LCP2: variants seen among roughly 807,000 people sequenced by gnomAD.
LCP2 encodes lymphocyte cytosolic protein 2, also known as 76 kDa tyrosine phosphoprotein.
LCP2 carries 29 observed loss-of-function variants against 74.5 expected under a neutral mutation model. The ratio of observed to expected loss-of-function variants is 0.39; its 90% CI spans 0.29 to 0.53. The LOEUF is 0.53. Ranked by LOEUF, LCP2 falls within the 20% of genes least tolerant of loss-of-function variation. LCP2 has a pLI of 0.72. For missense variants in LCP2, 604 were observed against 634.6 expected (o/e 0.95, Z 0.52); for synonymous variants, 228 against 229.5 (o/e 0.99, Z 0.06).
At chr5:170,259,832 C>T (rs80108515) in intron 14 of LCP2, among the ~76,000 whole-genome samples, 1,569 of 152,308 alleles carry the variant, frequency 0.01, 36 homozygotes, top group African/African-American at 0.036. Flanking sequence ...ATAAACCCCA[C>T]ACAACAAAAT....
At chr5:170,262,889 G>C in intron 11 of LCP2, 28 bp from the exon 12 acceptor site, 1 of 1,614,036 alleles carries the variant, frequency 6.2e-7, no homozygotes, top group Non-Finnish European at 8.5e-7. Flanking sequence ...AAATGTATGA[G>C]TGTCCAAGCA....
chr5:170,281,985 A>G (rs1204756907), intron 3 of LCP2, among the ~76,000 whole-genome samples: 1 of 152,222 alleles, frequency 6.6e-6, no homozygotes, highest in Non-Finnish European at 1.5e-5. Flanking sequence ...TATTCTATCG[A>G]TTTAACCAGA....
At chr5:170,249,173 A>G (rs573184206) in intron 20 of LCP2, among the ~76,000 whole-genome samples, 6 of 152,046 alleles carry the variant, frequency 3.9e-5, no homozygotes, top group Non-Finnish European at 8.8e-5. Flanking sequence ...AAATAGAAAA[A>G]TATTAGCTGG....
At chr5:170,268,957 A>G (rs564676551) in intron 7 of LCP2, among the ~76,000 whole-genome samples, 19 of 152,174 alleles carry the variant, frequency 1.2e-4, no homozygotes, top group Non-Finnish European at 2.5e-4. Context: ...ACACATGCCA[A>G]AAATCTCACA....
In LCP2 at chr5:170,257,918, T is replaced by C. The variant is rs1343687013; in HGVS notation, c.1100+119A>G. Reference sequence around the variant, plus strand: ...TGGTTTTATGTCTTAAGACCCAAAATGTTCAGACCCTACTATCTACCCGTC... The same window carrying C: ...TGGTTTTATGTCTTAAGACCCAAAACGTTCAGACCCTACTATCTACCCGTC... On this transcript the variant is annotated intron_variant, in intron 16 of 20. Transcript: ENST00000046794. 2.5e-5 allele frequency: 28 copies of C among 1,114,964 alleles called. No homozygotes were observed. In the East Asian group the frequency reaches 5.9e-4, roughly 24 times the overall value. 69.1% of individuals were successfully genotyped at this position (1,114,964 alleles called of 1,614,324 possible).
At chr5:170,275,696 G>T in intron 4 of LCP2, 99 bp downstream of exon 4, 1 of 1,018,206 alleles carries the variant, frequency 9.8e-7, no homozygotes, top group Non-Finnish European at 1.5e-6. Context: ...GGGGACAAAT[G>T]CAGATCAAAA....
At chr5:170,286,150 T>C (rs952465887) in intron 3 of LCP2, among the ~76,000 whole-genome samples, 1 of 152,214 alleles carries the variant, frequency 6.6e-6, no homozygotes, top group Non-Finnish European at 1.5e-5. Flanking sequence ...CATGATATAA[T>C]ATAAATGGTT....
chr5:170,274,032 G>T (rs995423009), intron 6 of LCP2: 4 of 499,024 alleles, frequency 8.0e-6, no homozygotes, highest in Non-Finnish European at 1.5e-5. Flanking sequence ...GTTTATGGGC[G>T]CAAAGCCAAG....
intron 17 of LCP2, 42 bp from the exon 18 acceptor site, chr5:170,253,255 T>A: frequency 7.5e-7 from 1 of 1,339,874 alleles, no homozygotes; most frequent in Non-Finnish European, 1.0e-6. Flanking sequence ...TACTGTAAGC[T>A]ATTGTTTGCT....
intron 2 of LCP2, 140 bp from the exon 3 acceptor site, chr5:170,288,156 C>A: frequency 1.3e-6 from 1 of 780,406 alleles, no homozygotes; most frequent in South Asian, 1.6e-5. Context: ...TGCCCACCCA[C>A]CCTCCCCAAG....
In LCP2 at chr5:170,297,700, C is replaced by T; in HGVS notation, c.-89G>A. The T allele has an allele frequency of 1.8e-6, 2 of 1,125,496 alleles. No individual in the cohort carries two copies. The allele number at this position is 1,125,496 out of a possible 1,614,324, so 69.7% of individuals were successfully genotyped here. A position where few individuals can be genotyped will look rare whatever the true frequency, so the allele number is the denominator to read the frequency against. Reference sequence around the variant, plus strand: ...CTCAAATCCAGAGCTCGGAGGCGTTCTTGGCTCTTCCAACTCCCAGCTACC... The same window carrying T: ...CTCAAATCCAGAGCTCGGAGGCGTTTTTGGCTCTTCCAACTCCCAGCTACC... On this transcript the variant is annotated 5_prime_UTR_variant, in exon 1 of 21. Coordinates refer to ENST00000046794, the MANE Select transcript of LCP2 (RefSeq NM_005565.5).
rs536280017 is a variant in LCP2, at chr5:170,259,146, G to T, written c.958-268C>A. ...GAAATAGATTCTGAGGTGCCTAAAA[G>T]GGCCCAAAGATGTAATAATATTGAC... On this transcript the variant is annotated intron_variant, in intron 14 of 20. Coordinates refer to ENST00000046794, the MANE Select transcript of LCP2 (RefSeq NM_005565.5). Among the ~76,000 whole-genome samples the T allele has an allele frequency of 2.0e-4, 30 of 152,210 alleles. 1 individual carries two copies. The South Asian group carries it at 6.2e-3, about 32-fold the overall frequency.
chr5:170,251,245 A>G (rs1761434663), intron 19 of LCP2: 1 of 212,812 alleles, frequency 4.7e-6, no homozygotes, highest in Non-Finnish European at 9.6e-6. Flanking sequence ...AACTCAAGAT[A>G]TATCTTCCTA....
At position 170,275,787 on chromosome 5, in the gene LCP2, G is replaced by A. The variant is rs571067567; in HGVS notation, c.254+8C>T. The A allele has an allele frequency of 2.7e-5, 43 of 1,573,932 alleles. No homozygotes were observed. Among genetic ancestry groups the A allele is most frequent in the Admixed American group, 1.8e-4 (10 of 55,500 alleles). The stretch of plus-strand genomic sequence containing the variant: ...AATCTTGCGTTTCCTTACACCAGCC[G>A]CACTCACTTGCGTGTGAAGATGCTC... On this transcript the variant is annotated splice_region_variant and intron_variant, in intron 4 of 20. Coordinates refer to ENST00000046794, the MANE Select transcript of LCP2 (RefSeq NM_005565.5).
intron 5 of LCP2, among the ~76,000 whole-genome samples, chr5:170,274,853 T>G (rs1331308627): frequency 6.6e-6 from 1 of 151,888 alleles, no homozygotes; most frequent in Non-Finnish European, 1.5e-5. Flanking sequence ...GGCGGGTGCC[T>G]GTAGTCCCAG....
At chr5:170,275,562 C>T (rs1761992492) in intron 4 of LCP2, 1 of 650,380 alleles carries the variant, frequency 1.5e-6, no homozygotes, top group East Asian at 2.7e-5. Context: ...TGACTGGAAG[C>T]TCATGACTGT....
intron 3 of LCP2, among the ~76,000 whole-genome samples, chr5:170,278,277 G>T (rs906823807): frequency 1.0e-4 from 14 of 136,980 alleles, no homozygotes; most frequent in Non-Finnish European, 2.0e-4. Context: ...CTTTAAGGAG[G>T]TGAAATGTGC....
chr5:170,251,459 C>T, intron 19 of LCP2: 1 of 258,852 alleles, frequency 3.9e-6, no homozygotes. Context: ...TTTGATTGTC[C>T]TGTACTTTAA....
intron 1 of LCP2, among the ~76,000 whole-genome samples, chr5:170,296,006 G>T (rs532948698): frequency 2.0e-5 from 3 of 152,282 alleles, no homozygotes; most frequent in African/African-American, 4.8e-5. Flanking sequence ...TGCTCAATTG[G>T]ATTGTATAAT....
Sources: allele counts gnomAD v4.1 joint callset (sites outside exome capture counted in the v4.1 genomes callset), GRCh38; gene constraint gnomAD v4.1.1; transcripts MANE v1.5; gene names NCBI Gene and HGNC (gene_info 2026-07-23, HGNC 2026-07-21).